Variants in PIAS2 observed in about 807,000 individuals in gnomAD.
PIAS2 encodes the protein protein inhibitor of activated STAT 2, also known as E3 SUMO-protein ligase PIAS2.
A neutral mutation model predicts 69.7 loss-of-function variants in PIAS2; 19 were observed. The ratio of observed to expected loss-of-function variants is 0.27; its 90% CI spans 0.19 to 0.40. PIAS2 has a LOEUF of 0.40. PIAS2 is among the 10% of genes least tolerant of loss of function. The pLI is 1.00. For missense variants in PIAS2, 624 were observed against 757.0 expected (o/e 0.82, Z 2.06); for synonymous variants, 261 against 263.2 (o/e 0.99, Z 0.08).
intron 1 of PIAS2, among the ~76,000 whole-genome samples, chr18:46,892,920 A>G (rs1207849829): frequency 6.6e-6 from 1 of 152,134 alleles, no homozygotes; most frequent in Non-Finnish European, 1.5e-5. Context: ...TTTTATACTA[A>G]GTCTTCAATA....
intron 8 of PIAS2, among the ~76,000 whole-genome samples, chr18:46,839,065 CAT>C (rs1486574986): frequency 1.6e-4 from 24 of 152,186 alleles, no homozygotes; most frequent in Admixed American, 3.3e-4. Context: ...TTAAAAATCA[CAT>C]GTTATTCTTT....
intron 9 of PIAS2, among the ~76,000 whole-genome samples, chr18:46,830,614 A>T (rs895683544): frequency 6.6e-6 from 1 of 152,034 alleles, no homozygotes; most frequent in Non-Finnish European, 1.5e-5. Context: ...AATAACAAAG[A>T]ACAAAACAAA....
In PIAS2 at chr18:46,812,509, G is replaced by T; in HGVS notation, c.1790C>A (p.Ser597Ter). The T allele has an allele frequency of 6.2e-7, 1 of 1,612,326 alleles. No homozygotes were observed. Among genetic ancestry groups the T allele is most frequent in the Non-Finnish European group, 8.5e-7 (1 of 1,178,410 alleles). The change falls in exon 14 of 14, where the codon TCA (serine) becomes TAA (stop). Residue 597 changes from serine (S) to a stop codon, truncating the protein, a stop_gained. Transcript: ENST00000585916. LOFTEE classifies it high-confidence loss of function. ...SSHESSTHVS[S>*]SSSRSETGVI... is the part of the protein sequence containing the mutation. The stretch of plus-strand genomic sequence containing the variant: ...CCCTGTCTCACTCCTGCTGCTGGAT[G>T]AACTAACATGAGTACTGCTTTCATG...
rs946254611 is a variant in PIAS2 at position 46,891,652 on chromosome 18, A to G, written c.25-598T>C. 91 of 959,502 alleles carry G rather than the reference A, an allele frequency of 9.5e-5. No individual in the cohort carries two copies. In the African/African-American group the frequency reaches 1.5e-3, roughly 16 times the overall value. The allele number at this position is 959,502 out of a possible 1,614,324, so 59.4% of individuals were successfully genotyped here. Reference sequence around the variant, plus strand: ...CTAAAAAATCACATACATCTTATTTAGCAGTCAAACTTCTAAAACAACTGA... The same window carrying G: ...CTAAAAAATCACATACATCTTATTTGGCAGTCAAACTTCTAAAACAACTGA... On this transcript the variant is annotated intron_variant, in intron 1 of 13. Transcript: ENST00000585916.
At chr18:46,874,534 A>C (rs779329712) in intron 2 of PIAS2, among the ~76,000 whole-genome samples, 13 of 152,264 alleles carry the variant, frequency 8.5e-5, no homozygotes, top group Admixed American at 2.6e-4. Flanking sequence ...CTAAACCCTA[A>C]AAAGCCACCA....
Position 46,892,151 on chromosome 18 carries a change from T to C in PIAS2, c.25-1097A>G, listed in dbSNP as rs1206477056. Among the ~76,000 whole-genome samples the C allele has an allele frequency of 2.6e-5, 4 of 152,148 alleles. No homozygotes were observed. In the East Asian group the frequency reaches 5.8e-4, roughly 22 times the overall value. On this transcript the variant is annotated intron_variant, in intron 1 of 13. Transcript: ENST00000585916. ...CAACCTGCTTGTCTCATCAGTATAG[T>C]GGAAATGTGGGGCAGTTGCTCTGTA...
rs533614408 is a variant in PIAS2 at position 46,842,176 on chromosome 18, T to C, written c.1041+1878A>G. On this transcript the variant is annotated intron_variant, in intron 8 of 13. Coordinates refer to ENST00000585916, the MANE Select transcript of PIAS2 (RefSeq NM_004671.5). ...AGGAGGTTGAAGCTGCAGTGAGCTG[T>C]GTTCATGCTACTGCATTCCAGCATG... Among the ~76,000 whole-genome samples, 14 of 150,596 alleles carry C rather than the reference T, an allele frequency of 9.3e-5. No homozygotes were observed. The South Asian group carries it at 2.9e-3, about 31-fold the overall frequency.
intron 5 of PIAS2, among the ~76,000 whole-genome samples, chr18:46,850,782 A>C (rs984518029): frequency 6.6e-6 from 1 of 152,146 alleles, no homozygotes; most frequent in African/African-American, 2.4e-5. Context: ...TGAATTGTGG[A>C]ATAATGATTT....
chr18:46,862,806 T>C (rs1361419476), intron 3 of PIAS2, among the ~76,000 whole-genome samples: 1 of 152,058 alleles, frequency 6.6e-6, no homozygotes, highest in Admixed American at 6.6e-5. Context: ...CCTGGGTTAA[T>C]GTGATTCTCC....
rs1248243290 is a variant in PIAS2 at position 46,877,079 on chromosome 18, T to A, written c.500-12831A>T. 2.6e-5 allele frequency among the ~76,000 whole-genome samples: 4 copies of A among 152,296 alleles called. No individual in the cohort carries two copies. The East Asian group carries it at 7.7e-4, about 29-fold the overall frequency. ...TCAATCCTTACTTCTCTTGCCTTTGTAACAGGTGTGCTTATTCTTGTAGGA... is the reference window on the plus strand; with the variant it reads ...TCAATCCTTACTTCTCTTGCCTTTGAAACAGGTGTGCTTATTCTTGTAGGA... On this transcript the variant is annotated intron_variant, in intron 2 of 13. Transcript: ENST00000585916.
At chr18:46,917,644 G>A, upstream of PIAS2, 6 of 788,210 alleles carry the variant, frequency 7.6e-6, no homozygotes, top group South Asian at 2.9e-4. Flanking sequence ...GCCCCGGCGT[G>A]CTGCCCCGCG....
At chr18:46,880,999 G>A (rs1260227289) in intron 2 of PIAS2, among the ~76,000 whole-genome samples, 2 of 152,114 alleles carry the variant, frequency 1.3e-5, no homozygotes, top group African/African-American at 4.8e-5. Context: ...GTTATTTGTA[G>A]GTGATTTATC....
At chr18:46,914,889 T>C (rs953445678) in intron 1 of PIAS2, 31 of 152,290 alleles carry the variant, frequency 2.0e-4, no homozygotes, top group Admixed American at 2.0e-3. Flanking sequence ...ACCACCACAA[T>C]ATATTCTGAT....
At chr18:46,842,298 A>T (rs1017619588) in intron 8 of PIAS2, among the ~76,000 whole-genome samples, 5 of 151,298 alleles carry the variant, frequency 3.3e-5, no homozygotes, top group African/African-American at 9.7e-5. Flanking sequence ...AAAAAAATTT[A>T]AAAAGCCTGA....
At position 46,803,967 on chromosome 18, in the gene PIAS2, G is replaced by A. The variant is rs1032129841; in HGVS notation, c.*8466C>T. On this transcript the variant is annotated 3_prime_UTR_variant, in exon 14 of 14. Coordinates refer to ENST00000585916, the MANE Select transcript of PIAS2 (RefSeq NM_004671.5). ...GAGTATGCTGCCTTTCAACACCTCA[G>A]CATCCATCTCCCGTACCACCTACCC... is the stretch of plus-strand genomic sequence containing the variant. 2 of 152,040 alleles carry A rather than the reference G, an allele frequency of 1.3e-5. No homozygotes were observed. The highest frequency in any genetic ancestry group is 4.8e-5 in the African/African-American group (2 of 41,382). 9.4% of individuals were successfully genotyped at this position (152,040 alleles called of 1,614,324 possible).
intron 12 of PIAS2, 38 bp from the exon 13 acceptor site, chr18:46,815,387 T>G (rs773149972): frequency 3.5e-5 from 57 of 1,608,488 alleles, no homozygotes; most frequent in Non-Finnish European, 4.8e-5. Context: ...TGTCTCATAT[T>G]TTGGGAGACC....
rs2049369407 is a variant in PIAS2 at position 46,865,867 on chromosome 18, T to C, written c.500-1619A>G. On this transcript the variant is annotated intron_variant, in intron 2 of 13. Coordinates refer to ENST00000585916, the MANE Select transcript of PIAS2 (RefSeq NM_004671.5). ...TTATGGAGCATCAAACACAGAAACA[T>C]AAGTAAGCCTCTCCATTTCTCCAGT... Among the ~76,000 whole-genome samples the C allele has an allele frequency of 2.0e-5, 3 of 152,158 alleles. 1 individual carries two copies. In the South Asian group the frequency reaches 6.2e-4, roughly 32 times the overall value.
chr18:46,890,293 ATACT>A (rs751147019), intron 2 of PIAS2, among the ~76,000 whole-genome samples: 2 of 152,244 alleles, frequency 1.3e-5, no homozygotes, highest in Non-Finnish European at 2.9e-5. Context: ...CATTACCAAC[ATACT>A]TAACACCACT....
chr18:46,919,007 ATG>A (rs112427539), upstream of PIAS2, among the ~76,000 whole-genome samples: 2,396 of 142,914 alleles, frequency 0.017, 35 homozygotes, highest in African/African-American at 0.04. Context: ...ATATATATAT[ATG>A]TGTGTGTGTG....
Sources: gnomAD v4.1 joint callset for allele counts (sites outside exome capture counted in the v4.1 genomes callset) on GRCh38, gnomAD v4.1.1 for gene constraint, MANE v1.5 for transcripts, NCBI Gene and HGNC (gene_info 2026-07-23, HGNC 2026-07-21) for gene names.